IRAG2: variants seen among roughly 807,000 people sequenced by gnomAD.
The protein encoded by IRAG2 is lymphoid restricted membrane protein.
Under a neutral mutation model 69.9 loss-of-function variants are expected in IRAG2, and 45 were observed. The ratio of observed to expected loss-of-function variants is 0.64; its 90% CI spans 0.51 to 0.83. IRAG2 has a LOEUF of 0.83. Among genes scored for constraint, IRAG2 ranks in the 40% least tolerant of loss-of-function variants. IRAG2 has a pLI of 0.00. For missense variants in IRAG2, 520 were observed against 587.0 expected, an observed-to-expected ratio of 0.89 and a Z score of 1.18; for synonymous variants, 193 against 202.4, an observed-to-expected ratio of 0.95 and a Z score of 0.40.
upstream of IRAG2, among the ~76,000 whole-genome samples, chr12:25,001,915 A>G (rs1944394372): frequency 6.6e-6 from 1 of 151,802 alleles, no homozygotes; most frequent in Non-Finnish European, 1.5e-5. Context: ...GATTACAGGC[A>G]TGTACCAACC....
rs1479358968 is a variant in IRAG2 at position 25,101,248 on chromosome 12, A to C, written c.812A>C (p.Lys271Thr). Residue 271 changes from lysine to threonine, a missense_variant, in exon 16 of 22, where the codon AAA becomes ACA. Transcript: ENST00000556887. ...GAAAACTTGAAGAGGATGTATGCCA[A>C]AGAGCACGCTGAATTAGAAGAACTG... ...HVENLKRMYAKEHAELEELKQ... is the reference protein window; with the variant it reads ...HVENLKRMYATEHAELEELKQ... The C allele has an allele frequency of 6.2e-7, 1 of 1,612,942 alleles. No individual in the cohort carries two copies. Among genetic ancestry groups the C allele is most frequent in the South Asian group, 1.1e-5 (1 of 90,976 alleles).
chr12:25,102,160 G>C, intron 16 of IRAG2, 38 bp from the exon 17 acceptor site: 1 of 1,570,690 alleles, frequency 6.4e-7, no homozygotes, highest in Non-Finnish European at 8.8e-7. Flanking sequence ...AATGGCATGT[G>C]TAATAGCTAA....
intron 5 of IRAG2, among the ~76,000 whole-genome samples, chr12:25,067,025 CATA>C: frequency 6.6e-6 from 1 of 152,232 alleles, no homozygotes; most frequent in South Asian, 2.1e-4. Context: ...TCTTGAATTT[CATA>C]ATACCACTCT....
intron 17 of IRAG2, chr12:25,103,094 GATGGTTTAAGAAAACGATTCAC>G (rs1256812392): frequency 2.0e-5 from 3 of 152,154 alleles, no homozygotes; most frequent in Non-Finnish European, 4.4e-5. Context: ...AATTAGGGAT[GATGGTTTAAGAAAACGATTCAC>G]ATGGAACCCC....
chr12:25,081,898 G>A (rs956014275), intron 9 of IRAG2, among the ~76,000 whole-genome samples: 9 of 152,060 alleles, frequency 5.9e-5, no homozygotes, highest in Non-Finnish European at 1.0e-4. Flanking sequence ...AGAAAAAGTT[G>A]GTTTTTGGTG....
intron 21 of IRAG2, 95 bp from the exon 22 acceptor site, chr12:25,107,722 T>C: frequency 8.0e-7 from 1 of 1,243,374 alleles, no homozygotes; most frequent in Non-Finnish European, 1.1e-6. Context: ...TTTGGGGGTA[T>C]GAAGGGCAGA....
chr12:25,070,052 G>A (rs1946236604), intron 6 of IRAG2, among the ~76,000 whole-genome samples: 1 of 152,112 alleles, frequency 6.6e-6, no homozygotes, highest in Non-Finnish European at 1.5e-5. Flanking sequence ...AACAGAGCAG[G>A]CAGTTCTGTT....
chr12:25,015,001 AT>A (rs1484396841), intron 3 of IRAG2, among the ~76,000 whole-genome samples: 1 of 146,418 alleles, frequency 6.8e-6, no homozygotes, highest in East Asian at 2.1e-4. Context: ...CTAGCATAGT[AT>A]TGAGCTCCAA....
chr12:25,001,490 A>T (rs773921946), upstream of IRAG2, among the ~76,000 whole-genome samples: 76 of 152,240 alleles, frequency 5.0e-4, 1 homozygote, highest in Non-Finnish European at 9.6e-4. Context: ...AGGAAAAAAA[A>T]TGCCTTGGAA....
At chr12:25,004,603 T>C in exon 1 of IRAG2, 10 of 1,232,114 alleles carry the variant, frequency 8.1e-6, no homozygotes, top group Non-Finnish European at 1.0e-5. Flanking sequence ...CTTCATTTCA[T>C]CGCCTCAAAT....
At chr12:25,050,527 CAA>C (rs747761089), upstream of IRAG2, among the ~76,000 whole-genome samples, 1 of 47,878 alleles carries the variant, frequency 2.1e-5, no homozygotes, top group African/African-American at 4.4e-5. Flanking sequence ...GACTCCGTCT[CAA>C]AAAAAACAAA....
chr12:25,060,323 A>G (rs1241719104), intron 1 of IRAG2, among the ~76,000 whole-genome samples: 2 of 152,172 alleles, frequency 1.3e-5, no homozygotes, highest in African/African-American at 4.8e-5. Flanking sequence ...ATAATATGTT[A>G]TTATGTACAT....
At chr12:25,050,331 C>A, upstream of IRAG2, among the ~76,000 whole-genome samples, 1 of 151,622 alleles carries the variant, frequency 6.6e-6, no homozygotes, top group East Asian at 1.9e-4. Flanking sequence ...GAAATCGAGA[C>A]CATCCTGGCC....
intron 10 of IRAG2, among the ~76,000 whole-genome samples, chr12:25,085,127 C>A (rs1947482683): frequency 6.6e-6 from 1 of 152,256 alleles, no homozygotes; most frequent in African/African-American, 2.4e-5. Flanking sequence ...CATCTGCAGA[C>A]AGCTTGTGTG....
At chr12:25,101,822 TAAAC>T in intron 16 of IRAG2, 1 of 434,948 alleles carries the variant, frequency 2.3e-6, no homozygotes, top group Non-Finnish European at 4.4e-6. Context: ...TTATTTAAAA[TAAAC>T]AATATGAACT....
intron 20 of IRAG2, among the ~76,000 whole-genome samples, chr12:25,106,233 A>C (rs1181122926): frequency 6.6e-6 from 1 of 151,594 alleles, no homozygotes; most frequent in Non-Finnish European, 1.5e-5. Context: ...TGTTAAATAA[A>C]ATTTAAAAGG....
chr12:25,084,996 A>C (rs1158469670), intron 10 of IRAG2, among the ~76,000 whole-genome samples: 1 of 152,262 alleles, frequency 6.6e-6, no homozygotes, highest in Non-Finnish European at 1.5e-5. Context: ...CATGCAGACC[A>C]GCAGCTGCAG....
At chr12:25,049,813 T>C (rs1944826270), upstream of IRAG2, among the ~76,000 whole-genome samples, 1 of 151,450 alleles carries the variant, frequency 6.6e-6, no homozygotes, top group Non-Finnish European at 1.5e-5. Flanking sequence ...AAACCCTGTC[T>C]CTACTAAAAA....
upstream of IRAG2, among the ~76,000 whole-genome samples, chr12:25,047,291 A>C (rs1002354133): frequency 1.3e-5 from 2 of 152,258 alleles, no homozygotes; most frequent in African/African-American, 4.8e-5. Context: ...CACCAAAAGC[A>C]CAGGCAACAA....
Sources: gnomAD v4.1 joint callset for allele counts (sites outside exome capture counted in the v4.1 genomes callset) on GRCh38, gnomAD v4.1.1 for gene constraint, MANE v1.5 for transcripts, NCBI Gene and HGNC (gene_info 2026-07-23, HGNC 2026-07-21) for gene names.